NRXN3: variants seen among roughly 807,000 people sequenced by gnomAD.
NRXN3 encodes the protein neurexin 3, also known as neurexin III.
Under a neutral mutation model 137.6 loss-of-function variants are expected in NRXN3, and 32 were observed. The observed-to-expected ratio is 0.23, with a 90% CI of 0.18 to 0.31. NRXN3 has a LOEUF of 0.31. NRXN3 is among the 10% of genes least tolerant of loss of function. The probability of loss-of-function intolerance (pLI) is 1.00; values close to 1 mark genes in which losing one functional copy is unlikely to be tolerated. For missense variants in NRXN3, 1,574 were observed against 2,062.5 expected (o/e 0.76, Z 4.59); for synonymous variants, 798 against 784.5 (o/e 1.02, Z -0.29).
intron 15 of NRXN3, among the ~76,000 whole-genome samples, chr14:79,035,876 C>T (rs542959176): frequency 1.3e-5 from 2 of 152,084 alleles, no homozygotes; most frequent in South Asian, 2.1e-4. Context: ...ACTGTTCCCC[C>T]ACTACTTTAT....
At chr14:78,918,974 G>A (rs1447242787) in intron 10 of NRXN3, among the ~76,000 whole-genome samples, 2 of 152,042 alleles carry the variant, frequency 1.3e-5, no homozygotes, top group East Asian at 1.9e-4. Context: ...GACTATGTAA[G>A]CATTGAGAAT....
intron 4 of NRXN3, among the ~76,000 whole-genome samples, chr14:78,328,136 G>C (rs985433623): frequency 5.9e-5 from 9 of 152,240 alleles, no homozygotes; most frequent in Non-Finnish European, 1.3e-4. Flanking sequence ...GGGGTGGGTG[G>C]AGGCTCCTAA....
rs561827500 is a variant in NRXN3 at position 78,798,920 on chromosome 14, G to C, written c.2045-4700G>C. ...ACACAGGGCACCAAGTCCCTAGGCT[G>C]CACACAGCGAGGGGTTTGGGGGTGT... On this transcript the variant is annotated intron_variant, in intron 8 of 20. Coordinates refer to ENST00000335750, the MANE Select transcript of NRXN3 (RefSeq NM_001330195.2). Among the ~76,000 whole-genome samples, 51 of 152,330 alleles carry C rather than the reference G, an allele frequency of 3.3e-4. 1 individual carries two copies. Among genetic ancestry groups the C allele is most frequent in the African/African-American group, 1.2e-3 (50 of 41,586 alleles).
At chr14:79,362,469 A>G (rs940826452) in intron 15 of NRXN3, among the ~76,000 whole-genome samples, 4 of 152,180 alleles carry the variant, frequency 2.6e-5, no homozygotes, top group Non-Finnish European at 1.5e-5. Flanking sequence ...TAATTGTTCA[A>G]TTATTGGAGG....
intron 15 of NRXN3, among the ~76,000 whole-genome samples, chr14:79,232,964 CAG>C (rs1201436131): frequency 1.3e-5 from 2 of 152,144 alleles, no homozygotes; most frequent in East Asian, 1.9e-4. Context: ...GCAGTTGAGA[CAG>C]AGTCTAGTTA....
chr14:79,173,378 C>A (rs556388865), intron 15 of NRXN3, among the ~76,000 whole-genome samples: 4 of 151,576 alleles, frequency 2.6e-5, no homozygotes, highest in African/African-American at 9.7e-5. Flanking sequence ...CAGGCACACA[C>A]GCACATAGCT....
intron 16 of NRXN3, among the ~76,000 whole-genome samples, chr14:79,474,219 A>G (rs2096539896): frequency 6.6e-6 from 1 of 152,188 alleles, no homozygotes; most frequent in African/African-American, 2.4e-5. Context: ...ATAAATGGGC[A>G]TAAAATATTA....
intron 16 of NRXN3, among the ~76,000 whole-genome samples, chr14:79,504,639 T>TATATATATATATATATATATATATATA (rs60009832): frequency 3.2e-5 from 3 of 93,410 alleles, no homozygotes; most frequent in Non-Finnish European, 4.4e-5. Flanking sequence ...AAATGAAGTT[T>TATATATATATATATATATATATATATA]TTTATATATA....
At chr14:78,234,145 C>T (rs997109029) in intron 1 of NRXN3, among the ~76,000 whole-genome samples, 5 of 152,180 alleles carry the variant, frequency 3.3e-5, no homozygotes, top group Admixed American at 2.0e-4. Context: ...CATCTTCTGC[C>T]ATGATTGTGA....
intron 15 of NRXN3, among the ~76,000 whole-genome samples, chr14:79,404,424 C>T (rs1321396844): frequency 1.3e-5 from 2 of 152,206 alleles, no homozygotes; most frequent in South Asian, 2.1e-4. Flanking sequence ...CAAAAAGGCT[C>T]GCCCAGAGCT....
chr14:78,617,737 G>T (rs746599021), intron 4 of NRXN3, among the ~76,000 whole-genome samples: 3 of 152,016 alleles, frequency 2.0e-5, no homozygotes, highest in Non-Finnish European at 4.4e-5. Context: ...TGTTAGACTA[G>T]AAGATCACTG....
chr14:78,969,488 A>G (rs1462375973), intron 14 of NRXN3, among the ~76,000 whole-genome samples: 1 of 152,108 alleles, frequency 6.6e-6, no homozygotes, highest in Non-Finnish European at 1.5e-5. Flanking sequence ...TGTTTGCGCA[A>G]TATATTGTGT....
intron 16 of NRXN3, among the ~76,000 whole-genome samples, chr14:79,652,587 C>T (rs981749819): frequency 6.6e-6 from 1 of 152,090 alleles, no homozygotes; most frequent in Non-Finnish European, 1.5e-5. Context: ...GATGTGTTCT[C>T]TAATTATTCT....
rs1275385715 is a variant in NRXN3 at position 79,697,561 on chromosome 14, T to G, written c.3707-69T>G. 2.5e-5 allele frequency: 38 copies of G among 1,513,140 alleles called. No individual in the cohort carries two copies. The Admixed American group carries it at 6.8e-4, about 27-fold the overall frequency. The allele number at this position is 1,513,140 out of a possible 1,614,324, so 93.7% of individuals were successfully genotyped here. A position where few individuals can be genotyped will look rare whatever the true frequency, so the allele number is the denominator to read the frequency against. On this transcript the variant is annotated intron_variant, in intron 18 of 20. Transcript: ENST00000335750. Reference sequence around the variant, plus strand: ...GAAGCCTGTTATGATGCCTGGTCCATTCAGACCAGGTAAGGCAAACAAGGA... The same window carrying G: ...GAAGCCTGTTATGATGCCTGGTCCAGTCAGACCAGGTAAGGCAAACAAGGA...
At chr14:78,594,131 G>A (rs1215358970) in intron 4 of NRXN3, among the ~76,000 whole-genome samples, 1 of 152,208 alleles carries the variant, frequency 6.6e-6, no homozygotes, top group African/African-American at 2.4e-5. Context: ...CGAAAAATGT[G>A]TGCTGAGCCT....
chr14:78,941,611 A>G (rs75427577), intron 10 of NRXN3, among the ~76,000 whole-genome samples: 4,517 of 152,302 alleles, frequency 0.03, 101 homozygotes, highest in Non-Finnish European at 0.043. Flanking sequence ...AGGCAGTTTT[A>G]TATAAACCCA....
chr14:78,433,217 T>A (rs1408993323), intron 4 of NRXN3, among the ~76,000 whole-genome samples: 1 of 152,182 alleles, frequency 6.6e-6, no homozygotes, highest in Non-Finnish European at 1.5e-5. Context: ...CAAGAGCTAC[T>A]CTTAGCTCCT....
chr14:79,115,335 A>AG (rs1442183675), intron 15 of NRXN3, among the ~76,000 whole-genome samples: 1 of 151,492 alleles, frequency 6.6e-6, no homozygotes, highest in African/African-American at 2.4e-5. Context: ...CAAAAAAAAA[A>AG]AAAAAAGAAA....
intron 20 of NRXN3, among the ~76,000 whole-genome samples, chr14:79,811,903 C>A (rs927481729): frequency 6.6e-6 from 1 of 152,034 alleles, no homozygotes; most frequent in African/African-American, 2.4e-5. Context: ...TTTTTTATAA[C>A]AGCCCCAACC....
Sources: gnomAD v4.1 joint callset for allele counts (sites outside exome capture counted in the v4.1 genomes callset) on GRCh38, gnomAD v4.1.1 for gene constraint, MANE v1.5 for transcripts, NCBI Gene and HGNC (gene_info 2026-07-23, HGNC 2026-07-21) for gene names.